KIAA1217: variants seen among roughly 807,000 people sequenced by gnomAD.
KIAA1217 encodes the protein sickle tail protein homolog.
A neutral mutation model predicts 163.9 loss-of-function variants in KIAA1217; 88 were observed. That is an observed-to-expected ratio of 0.54 (90% CI 0.45 to 0.64). The LOEUF is 0.64. Among genes scored for constraint, KIAA1217 ranks in the 30% least tolerant of loss-of-function variants. KIAA1217 has a pLI of 0.00. For missense variants in KIAA1217, 2,372 were observed against 2,475.0 expected (o/e 0.96, Z 0.88); for synonymous variants, 903 against 923.1 (o/e 0.98, Z 0.39).
chr10:24,346,147 G>A (rs1357801814), intron 2 of KIAA1217, among the ~76,000 whole-genome samples: 1 of 152,124 alleles, frequency 6.6e-6, no homozygotes, highest in African/African-American at 2.4e-5. Context: ...GGCAGCATGT[G>A]TCAGAATTTC....
At chr10:24,367,611 T>A (rs1282889489) in intron 2 of KIAA1217, among the ~76,000 whole-genome samples, 1 of 152,220 alleles carries the variant, frequency 6.6e-6, no homozygotes, top group Non-Finnish European at 1.5e-5. Flanking sequence ...GCCTGAATCA[T>A]TCTGACAATC....
chr10:23,952,949 T>A (rs1033095926), intron 1 of KIAA1217, among the ~76,000 whole-genome samples: 1 of 152,216 alleles, frequency 6.6e-6, no homozygotes, highest in African/African-American at 2.4e-5. Context: ...TGGACTGCAT[T>A]CATTCACAAA....
chr10:24,184,541 C>T (rs1351665619), intron 2 of KIAA1217, among the ~76,000 whole-genome samples: 3 of 152,208 alleles, frequency 2.0e-5, no homozygotes, highest in Non-Finnish European at 4.4e-5. Flanking sequence ...AGACTAAGCA[C>T]CTTCAAAGCG....
At chr10:24,108,638 C>T (rs770115365) in intron 2 of KIAA1217, among the ~76,000 whole-genome samples, 32 of 152,044 alleles carry the variant, frequency 2.1e-4, no homozygotes, top group East Asian at 7.7e-4. Flanking sequence ...AGAATGCAAT[C>T]GATGTAATAT....
At position 23,923,306 on chromosome 10, in the gene KIAA1217, T is replaced by C. The variant is rs530901182; in HGVS notation, c.-320-83919T>C. On this transcript the variant is annotated intron_variant, in intron 1 of 18. Coordinates refer to the KIAA1217 transcript ENST00000376462. ...ATTGCAAATTGTGCTGTTATAAACA[T>C]GTGTGTACAAGTGTCCCAAGAAAGA... 1.9e-3 allele frequency among the ~76,000 whole-genome samples: 292 copies of C among 152,306 alleles called. 2 individuals are homozygous for C. Among genetic ancestry groups the C allele is most frequent in the African/African-American group, 6.5e-3 (271 of 41,582 alleles).
chr10:24,421,028 G>A (rs1337654946), intron 3 of KIAA1217, among the ~76,000 whole-genome samples: 1 of 152,038 alleles, frequency 6.6e-6, no homozygotes, highest in Non-Finnish European at 1.5e-5. Flanking sequence ...GTTTTGAGGT[G>A]GAGTCTTGCT....
intron 9 of KIAA1217, among the ~76,000 whole-genome samples, chr10:24,502,860 GC>G (rs1359331421): frequency 2.0e-5 from 3 of 152,264 alleles, no homozygotes; most frequent in Admixed American, 2.0e-4. Flanking sequence ...GGTGGGGTGT[GC>G]CTCTAGTCCC....
chr10:23,852,726 T>C (rs1351843157), intron 1 of KIAA1217, among the ~76,000 whole-genome samples: 2 of 152,208 alleles, frequency 1.3e-5, no homozygotes, highest in Non-Finnish European at 2.9e-5. Flanking sequence ...GAAGAGGTCC[T>C]TCACGTCCCT....
chr10:23,718,155 C>T (rs571066754), intron 1 of KIAA1217, among the ~76,000 whole-genome samples: 1 of 152,132 alleles, frequency 6.6e-6, no homozygotes, highest in African/African-American at 2.4e-5. Context: ...ATGGCCAAAA[C>T]TGCAGTTACC....
At chr10:24,539,390 G>T (rs144933866) in intron 17 of KIAA1217, among the ~76,000 whole-genome samples, 2 of 151,804 alleles carry the variant, frequency 1.3e-5, no homozygotes, top group Admixed American at 1.3e-4. Context: ...CACCACACCC[G>T]GCTAATTTTT....
intron 5 of KIAA1217, among the ~76,000 whole-genome samples, chr10:24,442,927 T>TTTC (rs1436197503): frequency 6.6e-6 from 1 of 151,678 alleles, no homozygotes; most frequent in Non-Finnish European, 1.5e-5. Context: ...TTTTTTTTTT[T>TTTC]TGAGAGGGAG....
At chr10:24,190,105 G>A (rs2066646728) in intron 2 of KIAA1217, among the ~76,000 whole-genome samples, 1 of 151,930 alleles carries the variant, frequency 6.6e-6, no homozygotes, top group African/African-American at 2.4e-5. Context: ...AGCTTAGCAA[G>A]GCCTGTTTGT....
intron 2 of KIAA1217, among the ~76,000 whole-genome samples, chr10:24,347,875 C>A (rs74622592): frequency 0.063 from 9,555 of 152,144 alleles, 1,025 homozygotes; most frequent in African/African-American, 0.22. Flanking sequence ...ATGGTTACCA[C>A]AATCAAATTC....
At chr10:24,389,644 A>G (rs986950085) in intron 3 of KIAA1217, among the ~76,000 whole-genome samples, 13 of 152,080 alleles carry the variant, frequency 8.5e-5, no homozygotes, top group African/African-American at 3.1e-4. Context: ...GCCCTGGCCT[A>G]AGTAGCTGGG....
At chr10:24,084,471 A>T (rs1268291887) in intron 2 of KIAA1217, among the ~76,000 whole-genome samples, 1 of 152,222 alleles carries the variant, frequency 6.6e-6, no homozygotes, top group African/African-American at 2.4e-5. Context: ...ATTTAATCCA[A>T]GTAAGCAATG....
At chr10:23,993,824 C>T (rs1400112740) in intron 1 of KIAA1217, among the ~76,000 whole-genome samples, 1 of 152,086 alleles carries the variant, frequency 6.6e-6, no homozygotes, top group Admixed American at 6.5e-5. Flanking sequence ...AAGTTATCCA[C>T]CCACCTCAGC....
At chr10:24,398,409 C>T (rs569483708) in intron 3 of KIAA1217, among the ~76,000 whole-genome samples, 17 of 152,158 alleles carry the variant, frequency 1.1e-4, no homozygotes, top group African/African-American at 3.9e-4. Context: ...GGCAAATATC[C>T]GACTTATTGG....
intron 5 of KIAA1217, among the ~76,000 whole-genome samples, chr10:24,457,344 TTGTGTGTG>T (rs376333005): frequency 7.6e-6 from 1 of 130,732 alleles, no homozygotes; most frequent in African/African-American, 2.6e-5. Context: ...GTTTTTTGTT[TTGTGTGTG>T]TGTGTGTGTG....
At chr10:24,375,419 A>T (rs888418070) in intron 2 of KIAA1217, among the ~76,000 whole-genome samples, 1 of 152,198 alleles carries the variant, frequency 6.6e-6, no homozygotes, top group African/African-American at 2.4e-5. Context: ...AGAGTTTATT[A>T]ATTTTCCTTT....
Sources: allele counts gnomAD v4.1 joint callset (sites outside exome capture counted in the v4.1 genomes callset), GRCh38; gene constraint gnomAD v4.1.1; transcripts MANE v1.5; gene names NCBI Gene and HGNC (gene_info 2026-07-23, HGNC 2026-07-21).